Variants in SYNE1 observed in about 807,000 individuals in gnomAD.
SYNE1 encodes the protein spectrin repeat containing nuclear envelope protein 1.
A neutral mutation model predicts 1,111.0 loss-of-function variants in SYNE1; 616 were observed. The observed-to-expected ratio is 0.55, with a 90% confidence interval of 0.52 to 0.59. SYNE1 has a LOEUF of 0.59. Ranked by LOEUF, SYNE1 falls within the 20% of genes least tolerant of loss-of-function variation. SYNE1 has a pLI of 0.00. For missense variants in SYNE1, 10,006 were observed against 10,417.0 expected (o/e 0.96, Z 1.72); for synonymous variants, 3,855 against 3,825.8 (o/e 1.01, Z -0.28).
intron 3 of SYNE1, among the ~76,000 whole-genome samples, chr6:152,541,066 G>A (rs1470420052): frequency 6.6e-6 from 1 of 152,162 alleles, no homozygotes; most frequent in African/African-American, 2.4e-5. Flanking sequence ...AAACTTCAAG[G>A]TTTGCGGTAC....
At chr6:152,250,590 G>T (rs2153598148) in intron 104 of SYNE1, among the ~76,000 whole-genome samples, 1 of 152,310 alleles carries the variant, frequency 6.6e-6, no homozygotes, top group South Asian at 2.1e-4. Context: ...TAGAATAGTT[G>T]CCACTAACCA....
chr6:152,215,099 C>CA (rs1472387046), intron 121 of SYNE1, 39 bp from the exon 122 acceptor site: 1 of 1,610,890 alleles, frequency 6.2e-7, no homozygotes, highest in Non-Finnish European at 8.5e-7. Flanking sequence ...GCACCATGGT[C>CA]AAAAAAGTCA....
chr6:152,482,515 A>C (rs1375688790), intron 14 of SYNE1, among the ~76,000 whole-genome samples: 1 of 152,194 alleles, frequency 6.6e-6, no homozygotes, highest in Non-Finnish European at 1.5e-5. Context: ...GAAAAACGGC[A>C]TTTTTAGTTA....
rs755011653 is a variant in SYNE1, at chr6:152,231,569, TA to T, written c.20863-3del. On this transcript the variant is annotated splice_region_variant and splice_polypyrimidine_tract_variant and intron_variant, in intron 113 of 145. Coordinates refer to ENST00000367255, the MANE Select transcript of SYNE1 (RefSeq NM_182961.4). The stretch of plus-strand genomic sequence containing the variant: ...ACAGTTAATGTCTATCTTAAAACCC[TA>T]AAAAAAAAGAGGAGAAAATAAGATT... The T allele has an allele frequency of 2.5e-5, 40 of 1,582,118 alleles. No individual in the cohort carries two copies. Among genetic ancestry groups the T allele is most frequent in the South Asian group, 1.0e-4 (9 of 89,384 alleles).
At chr6:152,155,812 G>A in intron 132 of SYNE1, 98 bp downstream of exon 132, 1 of 1,460,824 alleles carries the variant, frequency 6.8e-7, no homozygotes, top group Non-Finnish European at 9.5e-7. Flanking sequence ...TTTGGACATT[G>A]TAACGAACAG....
chr6:152,272,746 T>C (rs2093304072), intron 98 of SYNE1, among the ~76,000 whole-genome samples: 1 of 152,222 alleles, frequency 6.6e-6, no homozygotes, highest in Non-Finnish European at 1.5e-5. Context: ...CACTAAGTAA[T>C]GGTGTGCTTA....
At chr6:152,257,440 C>T (rs896437235) in intron 101 of SYNE1, among the ~76,000 whole-genome samples, 12 of 152,060 alleles carry the variant, frequency 7.9e-5, no homozygotes, top group East Asian at 5.8e-4. Flanking sequence ...GACTGAGGCA[C>T]GAGAATTGCT....
chr6:152,365,124 C>T (rs1458883568), intron 62 of SYNE1, 105 bp from the exon 63 acceptor site: 2 of 1,445,610 alleles, frequency 1.4e-6, no homozygotes, highest in East Asian at 4.6e-5. Flanking sequence ...GCAATTGTGC[C>T]CAGCCCTGGA....
intron 3 of SYNE1, among the ~76,000 whole-genome samples, chr6:152,612,043 A>C (rs2099632800): frequency 1.3e-5 from 2 of 151,882 alleles, no homozygotes. Context: ...CAGAGAAAGC[A>C]GGAAAGATCT....
At chr6:152,410,724 A>G (rs780075411) in intron 42 of SYNE1, among the ~76,000 whole-genome samples, 23 of 152,200 alleles carry the variant, frequency 1.5e-4, no homozygotes, top group Non-Finnish European at 3.1e-4. Context: ...GAGGGAGACT[A>G]TCTCATAAAA....
chr6:152,246,662 T>A (rs1238194834), intron 105 of SYNE1, among the ~76,000 whole-genome samples: 2 of 152,090 alleles, frequency 1.3e-5, no homozygotes. Context: ...AAATAAATCA[T>A]TAGAAAATTT....
rs774649954 is a variant in SYNE1, at chr6:152,325,200, G to A, written c.15541C>T (p.Leu5181=). ...KTGNDASKAT[L]SRSMTTVWQR... is the part of the protein sequence containing the mutation. ...CAGACGGTGGTCATTGACCTGCTCA[G>A]GGTGGCTTTGCTGGCATCATTTCCG... Residue 5181 remains leucine (L), a synonymous_variant, in exon 81 of 146, where the codon CTG becomes TTG. Transcript: ENST00000367255. The A allele has an allele frequency of 8.2e-5, 133 of 1,614,018 alleles. 3 individuals are homozygous for A. The South Asian group carries it at 1.4e-3, about 17-fold the overall frequency.
At chr6:152,335,564 G>A (rs978013108) in intron 76 of SYNE1, 5 of 151,786 alleles carry the variant, frequency 3.3e-5, no homozygotes, top group Non-Finnish European at 5.9e-5. Context: ...TTTTTTCTCT[G>A]TACTTGCAAA....
chr6:152,580,374 G>T (rs1442659928), intron 3 of SYNE1, among the ~76,000 whole-genome samples: 1 of 152,100 alleles, frequency 6.6e-6, no homozygotes. Flanking sequence ...GTTTTTGCTT[G>T]TTGATTTGTT....
chr6:152,255,523 A>T, intron 103 of SYNE1, 68 bp downstream of exon 103: 1 of 1,545,294 alleles, frequency 6.5e-7, no homozygotes, highest in African/African-American at 1.4e-5. Flanking sequence ...CATAAAATTA[A>T]TTATCCCATC....
At position 152,354,877 on chromosome 6, in the gene SYNE1, G is replaced by T. The variant is rs886043975; in HGVS notation, c.10708C>A (p.Arg3570=). The T allele has an allele frequency of 6.2e-7, 1 of 1,613,980 alleles. No individual in the cohort carries two copies. The highest frequency in any genetic ancestry group is 8.5e-7 in the Non-Finnish European group (1 of 1,180,036). ...TCTTGCCGGAGAGACTCTAAAGCCC[G>T]GTCCTCTGCCTGTGGGATACCTGAT... is the stretch of plus-strand genomic sequence containing the variant. ...IPSGIPQAED[R]ALESLRQDWQ... is the part of the protein sequence containing the mutation. Residue 3570 remains arginine (R), a synonymous_variant, in exon 67 of 146, where the codon CGG becomes AGG. Coordinates refer to ENST00000367255, the MANE Select transcript of SYNE1 (RefSeq NM_182961.4).
chr6:152,573,673 C>T (rs890893908), intron 3 of SYNE1, among the ~76,000 whole-genome samples: 4 of 152,104 alleles, frequency 2.6e-5, no homozygotes, highest in African/African-American at 9.7e-5. Flanking sequence ...TCTCATAAAT[C>T]ATAACTTTTC....
chr6:152,213,058 A>G (rs2077830886), intron 123 of SYNE1, among the ~76,000 whole-genome samples: 1 of 152,212 alleles, frequency 6.6e-6, no homozygotes, highest in Non-Finnish European at 1.5e-5. Flanking sequence ...AACAGTGGGC[A>G]AATTTATTAA....
At chr6:152,526,042 A>G (rs1564640299) in intron 5 of SYNE1, 38 bp downstream of exon 5, 1 of 1,589,652 alleles carries the variant, frequency 6.3e-7, no homozygotes, top group Non-Finnish European at 8.6e-7. Context: ...CCAAATGGAA[A>G]CAATTTGACA....
Sources: allele counts gnomAD v4.1 joint callset (sites outside exome capture counted in the v4.1 genomes callset), GRCh38; gene constraint gnomAD v4.1.1; transcripts MANE v1.5; gene names NCBI Gene and HGNC (gene_info 2026-07-23, HGNC 2026-07-21).